SLC9B2: variants seen among roughly 807,000 people sequenced by gnomAD.
SLC9B2 encodes sodium/hydrogen exchanger 9B2.
A neutral mutation model predicts 52.2 loss-of-function variants in SLC9B2; 39 were observed. The ratio of observed to expected loss-of-function variants is 0.75; its 90% CI spans 0.58 to 0.98. The LOEUF is 0.98. Ranked by LOEUF, SLC9B2 falls within the 50% of genes least tolerant of loss-of-function variation. The pLI is 0.00. For synonymous variants in SLC9B2, 214 were observed against 227.0 expected, an observed-to-expected ratio of 0.94 and a Z score of 0.51; for missense variants, 626 against 637.5, an observed-to-expected ratio of 0.98 and a Z score of 0.19.
At chr4:103,055,103 C>T (rs1745011350) in intron 4 of SLC9B2, among the ~76,000 whole-genome samples, 1 of 152,054 alleles carries the variant, frequency 6.6e-6, no homozygotes, top group Admixed American at 6.6e-5. Flanking sequence ...ATGGATGAAG[C>T]TGGAAACCAT....
Position 103,047,144 on chromosome 4 carries a change from C to G in SLC9B2, c.796G>C (p.Gly266Arg). The G allele has an allele frequency of 6.2e-7, 1 of 1,613,912 alleles. No individual in the cohort carries two copies. The highest frequency in any genetic ancestry group is 8.5e-7 in the Non-Finnish European group (1 of 1,179,946). ...GCTGCCATGAGCAAGGTTGGGACAC[C>G]CTTCTCAACACCATAGCCTCCTCCC... Reference protein sequence around the residue: ...LQGGGYGVEKGVPTLLMAAGS... With the variant: ...LQGGGYGVEKRVPTLLMAAGS... Residue 266 changes from glycine to arginine, a missense_variant, in exon 7 of 12, where the codon GGT (glycine) becomes CGT (arginine). Gly to Arg is a moderately radical substitution (Grantham distance 125). Coordinates refer to ENST00000394785, the MANE Select transcript of SLC9B2 (RefSeq NM_178833.7).
intron 9 of SLC9B2, among the ~76,000 whole-genome samples, chr4:103,034,707 A>G (rs1578443502): frequency 6.6e-6 from 1 of 152,180 alleles, no homozygotes; most frequent in South Asian, 2.1e-4. Context: ...AAAATGTTCA[A>G]CATCACTAAT....
chr4:103,045,620 G>C (rs143083904), intron 7 of SLC9B2, among the ~76,000 whole-genome samples: 1,580 of 152,186 alleles, frequency 0.01, 11 homozygotes, highest in Non-Finnish European at 0.018. Context: ...TAGTTGGTGG[G>C]GGGGTGGGGC....
At chr4:103,058,220 G>A (rs376538582) in intron 3 of SLC9B2, among the ~76,000 whole-genome samples, 4 of 152,112 alleles carry the variant, frequency 2.6e-5, no homozygotes, top group African/African-American at 9.7e-5. Context: ...TATACTGCCA[G>A]AAGGAACCAT....
chr4:103,067,437 A>C (rs1746235764), intron 2 of SLC9B2, 24 bp downstream of exon 2: 1 of 1,591,684 alleles, frequency 6.3e-7, no homozygotes, highest in African/African-American at 1.3e-5. Flanking sequence ...AAGAAAACAC[A>C]ATTCTATCAC....
Position 103,026,132 on chromosome 4 carries a change from T to C in SLC9B2, c.*238A>G, listed in dbSNP as rs772978264. On this transcript the variant is annotated 3_prime_UTR_variant, in exon 12 of 12. Coordinates refer to ENST00000394785, the MANE Select transcript of SLC9B2 (RefSeq NM_178833.7). ...GTACATTAAAGTAGATATGTCCTTA[T>C]GCAAATTAAGATGGATGATGAAGGG... 5.0e-5 allele frequency: 21 copies of C among 419,776 alleles called. No homozygotes were observed. The highest frequency in any genetic ancestry group is 4.0e-4 in the African/African-American group (20 of 50,036). The allele number at this position is 419,776 out of a possible 1,614,324, so 26.0% of individuals were successfully genotyped here.
intron 10 of SLC9B2, among the ~76,000 whole-genome samples, chr4:103,029,900 G>T (rs1742547847): frequency 6.6e-6 from 1 of 152,160 alleles, no homozygotes; most frequent in Non-Finnish European, 1.5e-5. Context: ...CAAATTCAAA[G>T]GGCGGGTAAA....
chr4:103,020,262 T>A, downstream of SLC9B2: 1 of 416,650 alleles, frequency 2.4e-6, no homozygotes, highest in Non-Finnish European at 4.6e-6. Context: ...AGTTTTTTTT[T>A]TTTTTCCGCA....
rs757044281 is a variant in SLC9B2 at position 103,043,318 on chromosome 4, C to A, written c.1124G>T (p.Gly375Val). The change falls in exon 9 of 12, where the codon GGC (glycine) becomes GTC (valine). Residue 375 changes from glycine to valine, a missense_variant. By Grantham distance (109) the Gly-to-Val change is moderately radical. Transcript: ENST00000394785. ...CACCTTTTCGCTGGTCCATCCCATG[C>A]CTGCAAGGAAAGCCATGACCAACGT... ...LCTLVMAFLA[G>V]MGWTSEKAEV... is the part of the protein sequence containing the mutation. 5 of 1,610,926 alleles carry A rather than the reference C, an allele frequency of 3.1e-6. No individual in the cohort carries two copies. The Admixed American group carries it at 8.5e-5, about 27-fold the overall frequency.
Position 103,076,287 on chromosome 4 carries a change from C to T in SLC9B2, c.-146G>A, listed in dbSNP as rs936673893. ...GTCTAGCCACCGCGCTCTGGGGTTC[C>T]CGATTCGCGCATCTTCCCAGGCTGA... is the stretch of plus-strand genomic sequence containing the variant. On this transcript the variant is annotated 5_prime_UTR_variant, in exon 1 of 12. Coordinates refer to ENST00000394785, the MANE Select transcript of SLC9B2 (RefSeq NM_178833.7). The T allele has an allele frequency of 6.6e-6, 1 of 152,434 alleles. No homozygotes were observed. Among genetic ancestry groups the T allele is most frequent in the Non-Finnish European group, 1.5e-5 (1 of 68,188 alleles). 9.4% of individuals were successfully genotyped at this position (152,434 alleles called of 1,614,324 possible). A position where few individuals can be genotyped will look rare whatever the true frequency, so the allele number is the denominator to read the frequency against.
chr4:103,055,186 C>G (rs916328022), intron 4 of SLC9B2, among the ~76,000 whole-genome samples: 1 of 137,932 alleles, frequency 7.2e-6, no homozygotes, highest in Non-Finnish European at 1.5e-5. Context: ...GGGAATTGAA[C>G]AGTGAGAACA....
At chr4:103,020,056 G>T, downstream of SLC9B2, 1 of 392,452 alleles carries the variant, frequency 2.5e-6, no homozygotes. Flanking sequence ...GACGGCCTGA[G>T]CTTAAACTGC....
In SLC9B2 at chr4:103,050,236, A is replaced by T. The variant is rs1449940214; in HGVS notation, c.585+4T>A. 1.9e-6 allele frequency: 3 copies of T among 1,564,956 alleles called. No homozygotes were observed. The highest frequency in any genetic ancestry group is 2.1e-5 in the Admixed American group (1 of 48,068). On this transcript the variant is annotated splice_donor_region_variant and intron_variant, in intron 5 of 11. Transcript: ENST00000394785. The stretch of plus-strand genomic sequence containing the variant: ...TTTAATAATGAGAAATTTACATTTC[A>T]TACCTTTGAATCCAGACCAAGGCCA...
chr4:103,059,766 G>A (rs947055544), intron 3 of SLC9B2, among the ~76,000 whole-genome samples: 1 of 152,102 alleles, frequency 6.6e-6, no homozygotes, highest in East Asian at 1.9e-4. Flanking sequence ...ATTTACCATT[G>A]CATATGAGCT....
chr4:103,072,054 A>ATTTTTTTTTTTTTTT (rs1375668319), intron 1 of SLC9B2, among the ~76,000 whole-genome samples: 4 of 62,482 alleles, frequency 6.4e-5, no homozygotes, highest in African/African-American at 3.5e-4. Flanking sequence ...TTTGGCTTTC[A>ATTTTTTTTTTTTTTT]TGTTTTTTTT....
intron 4 of SLC9B2, among the ~76,000 whole-genome samples, chr4:103,057,079 A>G (rs189636613): frequency 8.5e-5 from 13 of 152,140 alleles, no homozygotes; most frequent in Admixed American, 2.6e-4. Flanking sequence ...TTTAAGCTAC[A>G]ACATGATGTC....
Position 103,057,165 on chromosome 4 carries a change from G to A in SLC9B2, c.442+636C>T, listed in dbSNP as rs548730645. Among the ~76,000 whole-genome samples the A allele has an allele frequency of 1.5e-3, 223 of 151,730 alleles. 1 individual carries two copies. The highest frequency in any genetic ancestry group is 5.0e-3 in the African/African-American group (207 of 41,432). ...TTTCCATAATCTCAAGAGCATAGGT[G>A]AGGGGAAATAGACTAAAACATTAGG... is the stretch of plus-strand genomic sequence containing the variant. On this transcript the variant is annotated intron_variant, in intron 4 of 11. Coordinates refer to ENST00000394785, the MANE Select transcript of SLC9B2 (RefSeq NM_178833.7).
chr4:103,044,925 C>T lies in SLC9B2; in HGVS notation c.961G>A (p.Gly321Arg). Residue 321 changes from glycine to arginine, a missense_variant, in exon 8 of 12, where the codon GGA (glycine) becomes AGA (arginine). Physicochemically the swap from Gly to Arg is moderately radical, Grantham distance 125. Coordinates refer to ENST00000394785, the MANE Select transcript of SLC9B2 (RefSeq NM_178833.7). ...VIGVATGSVL[G>R]FFIQYFPSRD... ...CTTGGAAAGTACTGAATGAAAAATC[C>T]AAGAACAGATCCAGTTGCCACACCA... The T allele has an allele frequency of 6.2e-7, 1 of 1,613,776 alleles. No homozygotes were observed. The highest frequency in any genetic ancestry group is 1.3e-5 in the African/African-American group (1 of 74,982).
intron 1 of SLC9B2, among the ~76,000 whole-genome samples, chr4:103,075,152 C>CT (rs1423775864): frequency 6.6e-6 from 1 of 151,832 alleles, no homozygotes; most frequent in Admixed American, 6.6e-5. Context: ...GTTTCATTTC[C>CT]TTTTTTTTCT....
Sources: gnomAD v4.1 joint callset for allele counts (sites outside exome capture counted in the v4.1 genomes callset) on GRCh38, gnomAD v4.1.1 for gene constraint, MANE v1.5 for transcripts, NCBI Gene and HGNC (gene_info 2026-07-23, HGNC 2026-07-21) for gene names.